GRB14: variants seen among roughly 807,000 people sequenced by gnomAD.
GRB14 encodes the protein growth factor receptor bound protein 14.
A neutral mutation model predicts 69.1 loss-of-function variants in GRB14; 38 were observed. That is an observed-to-expected ratio of 0.55 (90% CI 0.42 to 0.72). The LOEUF (loss-of-function observed/expected upper bound fraction) is 0.72. Ranked by LOEUF, GRB14 falls within the 30% of genes least tolerant of loss-of-function variation. The pLI, the probability that GRB14 is intolerant of heterozygous loss-of-function variation, is 0.00. For synonymous variants in GRB14, 247 were observed against 241.3 expected (o/e 1.02, Z -0.22); for missense variants, 666 against 666.1 (o/e 1.00, Z 0.00).
At chr2:164,551,420 G>A (rs1202103626) in intron 2 of GRB14, among the ~76,000 whole-genome samples, 3 of 152,150 alleles carry the variant, frequency 2.0e-5, no homozygotes, top group Non-Finnish European at 2.9e-5. Flanking sequence ...TAGACTGAAT[G>A]TTTGTACCCT....
At chr2:164,557,417 T>G (rs1316160551) in intron 2 of GRB14, among the ~76,000 whole-genome samples, 1 of 152,222 alleles carries the variant, frequency 6.6e-6, no homozygotes, top group Admixed American at 6.5e-5. Flanking sequence ...GTAGAAATAA[T>G]TCTTAAAAAT....
Position 164,497,496 on chromosome 2 carries a change from A to G in GRB14, c.1105-6T>C. ...GAATTCTCTGATATACTTCTCTGGA[A>G]AAAAGAAACACATTTGAGTTATGAA... On this transcript the variant is annotated splice_polypyrimidine_tract_variant and splice_region_variant and intron_variant, in intron 9 of 13. Coordinates refer to ENST00000263915, the MANE Select transcript of GRB14 (RefSeq NM_004490.3). 6.7e-7 allele frequency: 1 copy of G among 1,495,418 alleles called. No homozygotes were observed. 92.6% of individuals were successfully genotyped at this position (1,495,418 alleles called of 1,614,324 possible).
intron 2 of GRB14, among the ~76,000 whole-genome samples, chr2:164,584,116 G>A (rs1179383145): frequency 6.9e-6 from 1 of 144,876 alleles, no homozygotes; most frequent in Non-Finnish European, 1.5e-5. Flanking sequence ...CTTCCAAGCT[G>A]GGACTATAGG....
At chr2:164,566,469 A>G (rs1688977783) in intron 2 of GRB14, among the ~76,000 whole-genome samples, 1 of 152,148 alleles carries the variant, frequency 6.6e-6, no homozygotes, top group Admixed American at 6.5e-5. Flanking sequence ...TGACTTTTAT[A>G]AATATTATAA....
intron 6 of GRB14, among the ~76,000 whole-genome samples, chr2:164,512,390 C>T (rs1687362506): frequency 6.6e-6 from 1 of 152,160 alleles, no homozygotes; most frequent in Non-Finnish European, 1.5e-5. Flanking sequence ...TGGTCTCTAA[C>T]TCCTGACCTC....
intron 6 of GRB14, among the ~76,000 whole-genome samples, chr2:164,510,260 A>G (rs1023272534): frequency 1.3e-5 from 2 of 152,200 alleles, no homozygotes; most frequent in Admixed American, 1.3e-4. Flanking sequence ...CTGGAAGGCA[A>G]TAAGAGGTAT....
At chr2:164,609,554 A>G (rs998494578) in intron 2 of GRB14, among the ~76,000 whole-genome samples, 4 of 152,202 alleles carry the variant, frequency 2.6e-5, no homozygotes, top group Admixed American at 1.3e-4. Flanking sequence ...TTCAGCTTTT[A>G]TAGGATTTCT....
chr2:164,539,667 T>G (rs1199467858), intron 3 of GRB14: 1 of 152,150 alleles, frequency 6.6e-6, no homozygotes, highest in African/African-American at 2.4e-5. Context: ...ACTCGGAATG[T>G]CTCTGAAACT....
intron 2 of GRB14, among the ~76,000 whole-genome samples, chr2:164,582,170 T>C (rs1689423039): frequency 6.6e-6 from 1 of 152,168 alleles, no homozygotes; most frequent in Non-Finnish European, 1.5e-5. Flanking sequence ...TCAAAAAGTC[T>C]AAGCCAAACT....
At chr2:164,573,747 G>T in intron 2 of GRB14, 1 of 1,607,776 alleles carries the variant, frequency 6.2e-7, no homozygotes, top group Non-Finnish European at 8.5e-7. Flanking sequence ...ATTCATGCCC[G>T]TCTCTTCATA....
At chr2:164,566,574 C>T (rs1005189578) in intron 2 of GRB14, among the ~76,000 whole-genome samples, 4 of 152,072 alleles carry the variant, frequency 2.6e-5, no homozygotes, top group Admixed American at 6.5e-5. Context: ...TAATAACCAC[C>T]GCTTTCCAGA....
At chr2:164,554,039 G>A (rs545624473) in intron 2 of GRB14, among the ~76,000 whole-genome samples, 2 of 152,148 alleles carry the variant, frequency 1.3e-5, no homozygotes, top group South Asian at 4.1e-4. Context: ...CTTGCCCAAA[G>A]AATTACTACA....
chr2:164,605,432 G>A (rs749514707), intron 2 of GRB14, among the ~76,000 whole-genome samples: 37 of 152,130 alleles, frequency 2.4e-4, no homozygotes, highest in Admixed American at 6.5e-4. Context: ...ATATCCAACA[G>A]GCAGCCCAGT....
At chr2:164,570,253 G>T (rs1214860558) in intron 2 of GRB14, among the ~76,000 whole-genome samples, 5 of 144,098 alleles carry the variant, frequency 3.5e-5, no homozygotes, top group Non-Finnish European at 6.0e-5. Flanking sequence ...CTCCAGCCTG[G>T]GTGACAGAGC....
intron 2 of GRB14, chr2:164,568,344 C>A: frequency 7.8e-7 from 1 of 1,288,766 alleles, no homozygotes; most frequent in Non-Finnish European, 1.0e-6. Context: ...GGCGTTATTG[C>A]AGGCAGAGTG....
chr2:164,552,096 C>T (rs552695396), intron 2 of GRB14, among the ~76,000 whole-genome samples: 1 of 152,204 alleles, frequency 6.6e-6, no homozygotes, highest in South Asian at 2.1e-4. Flanking sequence ...AGTGAAAACT[C>T]ACTCAATCCC....
In GRB14 at chr2:164,550,749, G is replaced by A. The variant is rs528214103; in HGVS notation, c.325-2933C>T. On this transcript the variant is annotated intron_variant, in intron 2 of 13. Transcript: ENST00000263915. ...AATAAAAAAAAAAATGCAAACTACAGTATTTTCACAGAATGGAATATTATA... is the reference window on the plus strand; with the variant it reads ...AATAAAAAAAAAAATGCAAACTACAATATTTTCACAGAATGGAATATTATA... Among the ~76,000 whole-genome samples the A allele has an allele frequency of 1.0e-3, 156 of 152,078 alleles. 1 individual carries two copies. Among genetic ancestry groups the A allele is most frequent in the Admixed American group, 0.01 (155 of 15,268 alleles).
At chr2:164,556,087 T>C (rs1399279814) in intron 2 of GRB14, among the ~76,000 whole-genome samples, 1 of 152,146 alleles carries the variant, frequency 6.6e-6, no homozygotes, top group Non-Finnish European at 1.5e-5. Context: ...ATATCTTGAA[T>C]TAAGCAACTC....
chr2:164,554,211 T>C (rs1688620252), intron 2 of GRB14, among the ~76,000 whole-genome samples: 1 of 152,060 alleles, frequency 6.6e-6, no homozygotes, highest in Non-Finnish European at 1.5e-5. Flanking sequence ...TTCCTATACA[T>C]ACTAAAAGGT....
Sources: gnomAD v4.1 joint callset for allele counts (sites outside exome capture counted in the v4.1 genomes callset) on GRCh38, gnomAD v4.1.1 for gene constraint, MANE v1.5 for transcripts, NCBI Gene and HGNC (gene_info 2026-07-23, HGNC 2026-07-21) for gene names.